Variants in MYO1D observed in about 807,000 individuals in gnomAD.
The protein encoded by MYO1D is myosin ID.
Under a neutral mutation model 122.0 loss-of-function variants are expected in MYO1D, and 83 were observed. That is an observed-to-expected ratio of 0.68 (90% confidence interval 0.57 to 0.82). The LOEUF (loss-of-function observed/expected upper bound fraction) is 0.82, where lower values mean the gene tolerates loss of function less well. MYO1D is among the 40% of genes least tolerant of loss of function. The pLI is 0.00. For synonymous variants in MYO1D, 464 were observed against 446.9 expected (o/e 1.04, Z -0.48); for missense variants, 1,157 against 1,269.5 (o/e 0.91, Z 1.35).
intron 4 of MYO1D, among the ~76,000 whole-genome samples, chr17:32,774,279 A>C (rs2090152809): frequency 6.6e-6 from 1 of 152,240 alleles, no homozygotes; most frequent in Non-Finnish European, 1.5e-5. Flanking sequence ...ATACTCATCT[A>C]AGAATGAGTC....
At chr17:32,520,749 T>G (rs1166918190) in intron 21 of MYO1D, among the ~76,000 whole-genome samples, 1 of 152,206 alleles carries the variant, frequency 6.6e-6, no homozygotes, top group Non-Finnish European at 1.5e-5. Context: ...TATGTGTTCT[T>G]TGGTTATCCT....
At chr17:32,654,361 A>G in intron 18 of MYO1D, 116 bp downstream of exon 18, 1 of 1,161,880 alleles carries the variant, frequency 8.6e-7, no homozygotes, top group South Asian at 1.6e-5. Context: ...TATCTCATAG[A>G]AATTATTTAG....
At position 32,860,551 on chromosome 17, in the gene MYO1D, A is replaced by G. The variant is rs146565205; in HGVS notation, c.95+16227T>C. On this transcript the variant is annotated intron_variant, in intron 1 of 21. Coordinates refer to ENST00000318217, the MANE Select transcript of MYO1D (RefSeq NM_015194.3). ...TTGTTAAATTGTTGCCCTTCAATAG[A>G]GAACTAGAGGTTTACTTCTTATTTA... Among the ~76,000 whole-genome samples the G allele has an allele frequency of 4.2e-3, 634 of 152,354 alleles. 1 individual carries two copies. The highest frequency in any genetic ancestry group is 6.3e-3 in the Non-Finnish European group (428 of 68,032).
intron 16 of MYO1D, among the ~76,000 whole-genome samples, chr17:32,661,392 C>A (rs1286946587): frequency 6.6e-6 from 1 of 152,126 alleles, no homozygotes; most frequent in Non-Finnish European, 1.5e-5. Context: ...GTGGCTCATG[C>A]CTATAATCCT....
At chr17:32,822,014 C>T (rs1384336169) in intron 1 of MYO1D, among the ~76,000 whole-genome samples, 1 of 152,078 alleles carries the variant, frequency 6.6e-6, no homozygotes, top group African/African-American at 2.4e-5. Context: ...CCCAGCCATC[C>T]CATTACTGGG....
intron 21 of MYO1D, among the ~76,000 whole-genome samples, chr17:32,501,008 CAAAA>C (rs548406349): frequency 1.1e-5 from 1 of 94,368 alleles, no homozygotes; most frequent in Non-Finnish European, 2.2e-5. Flanking sequence ...GACTCCATCT[CAAAA>C]AAAAAAAAAA....
chr17:32,659,093 G>C, intron 17 of MYO1D, 22 bp downstream of exon 17: 1 of 1,599,670 alleles, frequency 6.3e-7, no homozygotes. Flanking sequence ...AATGGATGCA[G>C]CACACAGCAG....
intron 1 of MYO1D, among the ~76,000 whole-genome samples, chr17:32,792,137 A>G (rs1055368662): frequency 6.6e-6 from 1 of 152,236 alleles, no homozygotes; most frequent in Non-Finnish European, 1.5e-5. Flanking sequence ...CAATGCAAGT[A>G]TAAATACAAT....
At chr17:32,799,742 T>C (rs1476317729) in intron 1 of MYO1D, among the ~76,000 whole-genome samples, 1 of 151,664 alleles carries the variant, frequency 6.6e-6, no homozygotes, top group Non-Finnish European at 1.5e-5. Flanking sequence ...AGGAAACAAT[T>C]AATGGAGTAA....
At chr17:32,826,941 T>C (rs2090728269) in intron 1 of MYO1D, among the ~76,000 whole-genome samples, 1 of 152,186 alleles carries the variant, frequency 6.6e-6, no homozygotes, top group African/African-American at 2.4e-5. Flanking sequence ...GGAATGTATG[T>C]TAGGAAAAAT....
At chr17:32,787,367 G>C (rs1053945610) in intron 1 of MYO1D, among the ~76,000 whole-genome samples, 11 of 151,784 alleles carry the variant, frequency 7.2e-5, no homozygotes, top group Admixed American at 5.9e-4. Flanking sequence ...TGATTTCCAA[G>C]ATTTTGGTAC....
intron 21 of MYO1D, among the ~76,000 whole-genome samples, chr17:32,545,474 C>T (rs1338000347): frequency 2.6e-5 from 4 of 152,118 alleles, no homozygotes; most frequent in African/African-American, 9.7e-5. Flanking sequence ...ATTTATTGAA[C>T]TAATGGGGAA....
chr17:32,720,394 T>TATC (rs1208632308), intron 15 of MYO1D, among the ~76,000 whole-genome samples: 2 of 152,218 alleles, frequency 1.3e-5, no homozygotes, highest in African/African-American at 4.8e-5. Context: ...TTATTATTAT[T>TATC]ATCCCCATTT....
chr17:32,790,562 T>C (rs991979126), intron 1 of MYO1D, among the ~76,000 whole-genome samples: 1 of 152,256 alleles, frequency 6.6e-6, no homozygotes, highest in Non-Finnish European at 1.5e-5. Flanking sequence ...ATGTTTTATC[T>C]TCAGAACGAT....
chr17:32,499,894 C>T (rs955822820), intron 21 of MYO1D, among the ~76,000 whole-genome samples: 1 of 152,014 alleles, frequency 6.6e-6, no homozygotes, highest in Non-Finnish European at 1.5e-5. Flanking sequence ...GCCTGGGAGG[C>T]GGAGGCTGCA....
intron 20 of MYO1D, among the ~76,000 whole-genome samples, chr17:32,615,480 A>C (rs543040732): frequency 1.3e-5 from 2 of 152,212 alleles, no homozygotes; most frequent in Non-Finnish European, 2.9e-5. Flanking sequence ...TATGAAAAAA[A>C]TGTGAGAGGA....
rs189563170 is a variant in MYO1D, at chr17:32,876,929, G to T, written c.-57C>A. The T allele has an allele frequency of 3.5e-6, 4 of 1,152,718 alleles. No individual in the cohort carries two copies. Among genetic ancestry groups the T allele is most frequent in the African/African-American group, 3.3e-5 (2 of 61,248 alleles). 71.4% of individuals were successfully genotyped at this position (1,152,718 alleles called of 1,614,324 possible). A position where few individuals can be genotyped will look rare whatever the true frequency, so the allele number is the denominator to read the frequency against. On this transcript the variant is annotated 5_prime_UTR_variant, in exon 1 of 22. Transcript: ENST00000318217. ...TCGGGCCTCCGGGGCCGCTCCGTGGGCCCGCGATGAGCTCGGGAGGGGCCG... is the reference window on the plus strand; with the variant it reads ...TCGGGCCTCCGGGGCCGCTCCGTGGTCCCGCGATGAGCTCGGGAGGGGCCG...
intron 14 of MYO1D, among the ~76,000 whole-genome samples, chr17:32,735,982 T>C (rs774363326): frequency 7.2e-5 from 11 of 152,160 alleles, no homozygotes; most frequent in Non-Finnish European, 1.5e-4. Flanking sequence ...CTATCTAGTC[T>C]GCTTAGTCTA....
At chr17:32,738,092 T>G (rs1386396312) in intron 14 of MYO1D, among the ~76,000 whole-genome samples, 161 bp downstream of exon 14, 1 of 152,206 alleles carries the variant, frequency 6.6e-6, no homozygotes, top group African/African-American at 2.4e-5. Flanking sequence ...GAGGTGAGAT[T>G]TTTAAAAATG....
Sources: allele counts gnomAD v4.1 joint callset (sites outside exome capture counted in the v4.1 genomes callset), GRCh38; gene constraint gnomAD v4.1.1; transcripts MANE v1.5; gene names NCBI Gene and HGNC (gene_info 2026-07-23, HGNC 2026-07-21).